The following SLC9A6 variants were observed in gnomAD, a reference collection of about 807,000 sequenced individuals.
The protein encoded by SLC9A6 is sodium/hydrogen exchanger 6.
Under a neutral mutation model 45.3 loss-of-function variants are expected in SLC9A6, and 6 were observed. The ratio of observed to expected loss-of-function variants is 0.13; its 90% CI spans 0.07 to 0.26. The LOEUF is 0.26. SLC9A6 is among the 10% of genes least tolerant of loss of function. The pLI is 1.00. For missense variants in SLC9A6, 278 were observed against 503.7 expected (o/e 0.55, Z 4.29); for synonymous variants, 191 against 187.7 (o/e 1.02, Z -0.14).
At chrX:136,042,020 A>G (rs2071520473) in intron 17 of SLC9A6, among the ~76,000 whole-genome samples, 1 of 110,292 alleles carries the variant, frequency 9.1e-6, no homozygotes, top group Non-Finnish European at 1.9e-5. Context: ...ATTCATAAGG[A>G]CACCAGTCAT....
intron 2 of SLC9A6, among the ~76,000 whole-genome samples, chrX:135,988,194 A>C (rs781874464): frequency 1.5e-4 from 17 of 112,086 alleles, no homozygotes; most frequent in Middle Eastern, 4.6e-3. Context: ...GTGATAGAGC[A>C]CCTTGGTGTT....
intron 10 of SLC9A6, 82 bp downstream of exon 10, chrX:136,013,519 A>G: frequency 2.9e-6 from 2 of 682,113 alleles, no homozygotes; most frequent in South Asian, 4.7e-5. Context: ...AAAAAAAAAT[A>G]GTCTTTGATC....
chrX:135,986,856 G>A (rs1239558788), intron 2 of SLC9A6, among the ~76,000 whole-genome samples: 5 of 111,526 alleles, frequency 4.5e-5, no homozygotes, highest in African/African-American at 1.6e-4. Context: ...CTAAAGAGAT[G>A]AGGGCGGACA....
At chrX:136,024,776 T>G (rs2071198491) in intron 13 of SLC9A6, among the ~76,000 whole-genome samples, 1 of 111,938 alleles carries the variant, frequency 8.9e-6, no homozygotes, top group South Asian at 3.7e-4. Flanking sequence ...TAATATAGCA[T>G]GGACATTTAC....
At chrX:136,035,245 C>T (rs1432362611) in intron 16 of SLC9A6, among the ~76,000 whole-genome samples, 8 of 111,682 alleles carry the variant, frequency 7.2e-5, no homozygotes, top group African/African-American at 2.3e-4. Flanking sequence ...ATAAAGTACA[C>T]GAATCTTAAG....
intron 1 of SLC9A6, among the ~76,000 whole-genome samples, chrX:135,978,958 G>A (rs1281248488): frequency 9.1e-6 from 1 of 109,453 alleles, no homozygotes; most frequent in East Asian, 2.8e-4. Flanking sequence ...CCCCTCATTC[G>A]TCATGATTGC....
chrX:135,993,562 G>A (rs1556616043), intron 2 of SLC9A6, among the ~76,000 whole-genome samples: 1 of 111,665 alleles, frequency 9.0e-6, no homozygotes, highest in Non-Finnish European at 1.9e-5. Context: ...GAGGTGGATG[G>A]ATTACAAGGT....
chrX:136,006,925 G>A (rs1331027417), intron 7 of SLC9A6, among the ~76,000 whole-genome samples: 1 of 110,144 alleles, frequency 9.1e-6, no homozygotes, highest in Non-Finnish European at 1.9e-5. Context: ...GGAGTACAAT[G>A]GCGCGGTCTT....
Position 136,016,638 on chromosome X carries a change from G to A in SLC9A6, c.1081-7G>A, listed in dbSNP as rs1556619293. On this transcript the variant is annotated splice_polypyrimidine_tract_variant and splice_region_variant and intron_variant, in intron 10 of 17. Coordinates refer to ENST00000630721, the MANE Select transcript of SLC9A6 (RefSeq NM_001379110.1). ...TGCTGGACTAATCTTTTACAATTTC[G>A]TTTCAGTTGTTTGAGCTTCTCAATT... 4 of 1,019,970 alleles carry A rather than the reference G, an allele frequency of 3.9e-6. No individual in the cohort carries two copies. The highest frequency in any genetic ancestry group is 1.9e-5 in the South Asian group (1 of 52,957). 84.1% of individuals were successfully genotyped at this position (1,019,970 alleles called of 1,213,427 possible).
chrX:136,003,342 T>G (rs1207031355), intron 7 of SLC9A6, among the ~76,000 whole-genome samples: 3 of 112,574 alleles, frequency 2.7e-5, no homozygotes, highest in Non-Finnish European at 3.7e-5. Flanking sequence ...TTTATTCAAA[T>G]GCAGGCACAA....
chrX:135,985,363 C>T, upstream of SLC9A6: 1 of 356,739 alleles, frequency 2.8e-6, no homozygotes, highest in Non-Finnish European at 4.5e-6. Flanking sequence ...CTTGGGATGC[C>T]GCGGCCCCTT....
At chrX:136,044,245 G>A (rs2071560255) in intron 17 of SLC9A6, among the ~76,000 whole-genome samples, 1 of 111,193 alleles carries the variant, frequency 9.0e-6, no homozygotes, top group African/African-American at 3.3e-5. Flanking sequence ...GGGGCCTTTG[G>A]TGTGGGAGGG....
At chrX:136,037,067 T>C (rs1251420416) in intron 16 of SLC9A6, among the ~76,000 whole-genome samples, 1 of 112,627 alleles carries the variant, frequency 8.9e-6, no homozygotes, top group Non-Finnish European at 1.9e-5. Flanking sequence ...TTTAATCCTG[T>C]TTCTCTATTT....
intron 16 of SLC9A6, among the ~76,000 whole-genome samples, chrX:136,034,268 T>C (rs568445559): frequency 1.8e-5 from 2 of 110,413 alleles, no homozygotes; most frequent in South Asian, 7.8e-4. Flanking sequence ...CCGAACCCTG[T>C]TGTGAACTGC....
chrX:136,019,903 T>G (rs1189280482), intron 11 of SLC9A6, among the ~76,000 whole-genome samples: 4 of 112,169 alleles, frequency 3.6e-5, no homozygotes, highest in Non-Finnish European at 7.5e-5. Flanking sequence ...GTTTCTCATA[T>G]GTGTTCATTG....
chrX:136,016,740 A>G lies in SLC9A6; in HGVS notation c.1176A>G (p.Thr392=). 8.9e-7 allele frequency: 1 copy of G among 1,121,672 alleles called. No homozygotes were observed. Among genetic ancestry groups the G allele is most frequent in the South Asian group, 1.9e-5 (1 of 53,900 alleles). 92.4% of individuals were successfully genotyped at this position (1,121,672 alleles called of 1,213,427 possible). The change falls in exon 11 of 18, where the codon ACA becomes ACG. Residue 392 remains threonine (T), a synonymous_variant. Coordinates refer to ENST00000630721, the MANE Select transcript of SLC9A6 (RefSeq NM_001379110.1). ...FTFQNHVFNP[T]FVVGAFVAIF... ...TCCAGAACCATGTCTTTAACCCAACATTTGTAGTAGGAGCATTTGTATCCT... is the reference window on the plus strand; with the variant it reads ...TCCAGAACCATGTCTTTAACCCAACGTTTGTAGTAGGAGCATTTGTATCCT...
intron 7 of SLC9A6, among the ~76,000 whole-genome samples, chrX:136,005,397 C>G (rs1556617833): frequency 2.7e-5 from 3 of 112,533 alleles, no homozygotes; most frequent in Non-Finnish European, 1.9e-5. Context: ...AAAGAGAGAG[C>G]CGGCTGGGCG....
chrX:136,044,693 T>A lies in SLC9A6; in HGVS notation c.2009T>A (p.Leu670Ter). The change falls in exon 18 of 18, where the codon TTG becomes TAG. Residue 670 changes from leucine (L) to a stop codon, truncating the protein, a stop_gained. Coordinates refer to ENST00000630721, the MANE Select transcript of SLC9A6 (RefSeq NM_001379110.1). LOFTEE classifies it high-confidence loss of function. ...PMDDSEPPLN[L>*]LDNTRHGPA is the part of the protein sequence containing the mutation. ...GATGATTCTGAACCCCCGCTAAATT[T>A]GTTAGATAATACGAGACATGGTCCA... is the stretch of plus-strand genomic sequence containing the variant. 8.3e-7 allele frequency: 1 copy of A among 1,210,900 alleles called. No individual in the cohort carries two copies. Among genetic ancestry groups the A allele is most frequent in the Non-Finnish European group, 1.1e-6 (1 of 894,905 alleles).
intron 7 of SLC9A6, chrX:136,010,231 C>CT: frequency 2.9e-6 from 1 of 341,243 alleles, no homozygotes; most frequent in Non-Finnish European, 5.2e-6. Flanking sequence ...TCTACCCCCC[C>CT]CCCGAAATTA....
Sources: allele counts gnomAD v4.1 joint callset (sites outside exome capture counted in the v4.1 genomes callset), GRCh38; gene constraint gnomAD v4.1.1; transcripts MANE v1.5; gene names NCBI Gene and HGNC (gene_info 2026-07-23, HGNC 2026-07-21).